KCNH5: variants seen among roughly 807,000 people sequenced by gnomAD.
KCNH5 encodes the protein voltage-gated delayed rectifier potassium channel KCNH5.
A neutral mutation model predicts 96.1 loss-of-function variants in KCNH5; 46 were observed. The ratio of observed to expected loss-of-function variants is 0.48; its 90% CI spans 0.38 to 0.61. The LOEUF is 0.61. Ranked by LOEUF, KCNH5 falls within the 20% of genes least tolerant of loss-of-function variation. KCNH5 has a pLI of 0.00. For synonymous variants in KCNH5, 439 were observed against 449.8 expected, an observed-to-expected ratio of 0.98 and a Z score of 0.30; for missense variants, 907 against 1,225.8, an observed-to-expected ratio of 0.74 and a Z score of 3.88.
At chr14:62,807,135 C>A (rs146243184) in intron 8 of KCNH5, among the ~76,000 whole-genome samples, 364 of 152,234 alleles carry the variant, frequency 2.4e-3, no homozygotes, top group Non-Finnish European at 2.8e-3. Context: ...CTTATCATTT[C>A]TATTACTCAG....
At chr14:62,977,181 G>A (rs1890515911) in intron 6 of KCNH5, among the ~76,000 whole-genome samples, 1 of 151,968 alleles carries the variant, frequency 6.6e-6, no homozygotes, top group Non-Finnish European at 1.5e-5. Flanking sequence ...GACCAGACTG[G>A]CCATCATGGT....
intron 4 of KCNH5, among the ~76,000 whole-genome samples, chr14:62,995,913 T>C (rs912406964): frequency 4.0e-5 from 6 of 151,608 alleles, no homozygotes; most frequent in Middle Eastern, 3.4e-3. Context: ...AAAAAAAAAA[T>C]AGATAAATGT....
At chr14:63,022,858 C>T (rs545312654) in intron 1 of KCNH5, among the ~76,000 whole-genome samples, 42 of 152,232 alleles carry the variant, frequency 2.8e-4, no homozygotes, top group Middle Eastern at 3.4e-3. Context: ...ATGTACCTCT[C>T]CTTCACAGCC....
At chr14:62,951,620 T>C (rs1231051703) in intron 6 of KCNH5, among the ~76,000 whole-genome samples, 2 of 152,188 alleles carry the variant, frequency 1.3e-5, no homozygotes, top group African/African-American at 4.8e-5. Context: ...AATAGATGTA[T>C]ATTAATAAGA....
chr14:62,981,635 C>T (rs560687688), intron 5 of KCNH5, among the ~76,000 whole-genome samples: 1 of 152,300 alleles, frequency 6.6e-6, no homozygotes, highest in South Asian at 2.1e-4. Flanking sequence ...ATTCTTCATA[C>T]ACATTTAGCA....
At chr14:62,979,227 T>C (rs892842600) in intron 6 of KCNH5, among the ~76,000 whole-genome samples, 8 of 152,142 alleles carry the variant, frequency 5.3e-5, no homozygotes, top group African/African-American at 1.9e-4. Context: ...CTGCTTATTG[T>C]CCCCTATCAT....
At chr14:62,926,196 T>C (rs922462671) in intron 7 of KCNH5, among the ~76,000 whole-genome samples, 4 of 152,028 alleles carry the variant, frequency 2.6e-5, no homozygotes, top group African/African-American at 9.7e-5. Flanking sequence ...CTCTAGAGAA[T>C]TAAAGAAATT....
At chr14:63,007,987 T>C (rs180746771) in intron 2 of KCNH5, among the ~76,000 whole-genome samples, 1 of 152,278 alleles carries the variant, frequency 6.6e-6, no homozygotes, top group East Asian at 1.9e-4. Flanking sequence ...CCATTCTCAA[T>C]GCTTTCAAAT....
At chr14:63,003,307 CA>C (rs1176592528) in intron 3 of KCNH5, among the ~76,000 whole-genome samples, 3 of 149,340 alleles carry the variant, frequency 2.0e-5, no homozygotes, top group African/African-American at 7.4e-5. Flanking sequence ...ATTTGGGGTT[CA>C]GGGGGCTGGG....
At chr14:62,904,195 G>T (rs1323072809) in intron 7 of KCNH5, among the ~76,000 whole-genome samples, 5 of 152,100 alleles carry the variant, frequency 3.3e-5, no homozygotes, top group Non-Finnish European at 5.9e-5. Flanking sequence ...AATAATTTTA[G>T]TTTAAGTGAA....
intron 9 of KCNH5, among the ~76,000 whole-genome samples, chr14:62,784,788 A>G (rs1197696067): frequency 6.6e-6 from 1 of 152,212 alleles, no homozygotes; most frequent in African/African-American, 2.4e-5. Flanking sequence ...GAAATTAAAA[A>G]TTCTTACACT....
intron 7 of KCNH5, among the ~76,000 whole-genome samples, chr14:62,947,057 C>A (rs964686573): frequency 6.6e-6 from 1 of 152,056 alleles, no homozygotes; most frequent in Non-Finnish European, 1.5e-5. Flanking sequence ...CACATTATAT[C>A]ATTGTCAATT....
intron 10 of KCNH5, among the ~76,000 whole-genome samples, chr14:62,710,015 C>G (rs10873162): frequency 6.6e-6 from 1 of 151,972 alleles, no homozygotes; most frequent in African/African-American, 2.4e-5. Context: ...ACTCAGCATA[C>G]GTTGGTTCTC....
intron 10 of KCNH5, 108 bp downstream of exon 10, chr14:62,779,620 G>T: frequency 1.2e-6 from 1 of 831,752 alleles, no homozygotes; most frequent in Non-Finnish European, 1.8e-6. Context: ...TACATTGATG[G>T]GAATTTAGTG....
intron 7 of KCNH5, among the ~76,000 whole-genome samples, chr14:62,895,248 A>T (rs990591681): frequency 6.6e-6 from 1 of 152,078 alleles, no homozygotes; most frequent in African/African-American, 2.4e-5. Flanking sequence ...GATTCTGATG[A>T]CTTAGTACCC....
At chr14:62,727,014 A>G (rs1884940858) in intron 10 of KCNH5, among the ~76,000 whole-genome samples, 1 of 152,190 alleles carries the variant, frequency 6.6e-6, no homozygotes, top group Admixed American at 6.5e-5. Flanking sequence ...CTATTATATG[A>G]TTCTATTCAG....
intron 5 of KCNH5, among the ~76,000 whole-genome samples, chr14:62,985,287 A>G (rs1276210233): frequency 2.0e-5 from 3 of 152,206 alleles, no homozygotes; most frequent in African/African-American, 7.2e-5. Context: ...CCAAGCTAAC[A>G]GTGCTATTTA....
chr14:62,891,853 A>T (rs1196025851), intron 7 of KCNH5, among the ~76,000 whole-genome samples: 3 of 152,192 alleles, frequency 2.0e-5, no homozygotes, highest in Admixed American at 6.5e-5. Context: ...TAGGGATGTC[A>T]CAAACTTGGC....
rs1035470760 is a variant in KCNH5 at position 62,877,239 on chromosome 14, C to T, written c.1370-27387G>A. Among the ~76,000 whole-genome samples the T allele has an allele frequency of 6.6e-5, 10 of 151,744 alleles. No homozygotes were observed. The Middle Eastern group carries it at 0.01, about 155-fold the overall frequency. Reference sequence around the variant, plus strand: ...AACGTTAGACCTAAAACCATAAAAACCCTAGAAGAAAACCTAGGCATTACC... The same window carrying T: ...AACGTTAGACCTAAAACCATAAAAATCCTAGAAGAAAACCTAGGCATTACC... On this transcript the variant is annotated intron_variant, in intron 7 of 10. Coordinates refer to ENST00000322893, the MANE Select transcript of KCNH5 (RefSeq NM_139318.5).
Sources: gnomAD v4.1 joint callset for allele counts (sites outside exome capture counted in the v4.1 genomes callset) on GRCh38, gnomAD v4.1.1 for gene constraint, MANE v1.5 for transcripts, NCBI Gene and HGNC (gene_info 2026-07-23, HGNC 2026-07-21) for gene names.